MZT2B: variants seen among roughly 807,000 people sequenced by gnomAD.
MZT2B encodes mitotic-spindle organizing protein 2B.
A neutral mutation model predicts 12.1 loss-of-function variants in MZT2B; 11 were observed. The ratio of observed to expected loss-of-function variants is 0.91; its 90% CI spans 0.57 to 1.50. The LOEUF is 1.50. Ranked by LOEUF, MZT2B falls within the 40% of genes most tolerant of loss-of-function variation. The pLI, the probability that MZT2B is intolerant of heterozygous loss-of-function variation, is 0.00. For missense variants in MZT2B, 209 were observed against 227.7 expected (o/e 0.92, Z 0.53); for synonymous variants, 85 against 109.5 (o/e 0.78, Z 1.40).
intron 2 of MZT2B, among the ~76,000 whole-genome samples, chr2:130,189,948 G>A (rs1690197015): frequency 6.6e-6 from 1 of 152,192 alleles, no homozygotes; most frequent in Non-Finnish European, 1.5e-5. Flanking sequence ...AGGAAACAAT[G>A]AAAGAGCTTC....
At chr2:130,192,939 C>A (rs1340894263), downstream of MZT2B, among the ~76,000 whole-genome samples, 3 of 152,058 alleles carry the variant, frequency 2.0e-5, no homozygotes, top group Non-Finnish European at 2.9e-5. Flanking sequence ...ACTAAAAATA[C>A]AAAAATTAGC....
chr2:130,184,598 C>T (rs1460216018), intron 2 of MZT2B: 1 of 985,248 alleles, frequency 1.0e-6, no homozygotes, highest in Non-Finnish European at 1.2e-6. Context: ...CACCTCACTG[C>T]CACCCAGAGC....
downstream of MZT2B, among the ~76,000 whole-genome samples, chr2:130,193,606 C>CAA (rs34918027): frequency 8.4e-5 from 8 of 95,016 alleles, no homozygotes; most frequent in African/African-American, 1.2e-4. Flanking sequence ...AAGACTGTCT[C>CAA]AAAAAAAAAA....
rs764529534 is a variant in MZT2B at position 130,190,485 on chromosome 2, C to T, written c.336C>T (p.Ser112=). Residue 112 remains serine, a synonymous_variant, in exon 3 of 3, where the codon AGC becomes AGT. Transcript: ENST00000281871. Reference sequence around the variant, plus strand: ...TCTCCTCAGGGAGAAACAAAGGCAGCGCTGCCCTCGGGGGAGCATTGGCCC... The same window carrying T: ...TCTCCTCAGGGAGAAACAAAGGCAGTGCTGCCCTCGGGGGAGCATTGGCCC... ...VPETRGRNKG[S]AALGGALALA... is the part of the protein sequence containing the mutation. 16 of 1,613,378 alleles carry T rather than the reference C, an allele frequency of 9.9e-6. No individual in the cohort carries two copies. In the Admixed American group the frequency reaches 1.2e-4, roughly 12 times the overall value.
downstream of MZT2B, chr2:130,192,226 G>A: frequency 5.4e-6 from 8 of 1,495,250 alleles, no homozygotes; most frequent in Admixed American, 4.6e-5. Context: ...TAGGTGACAC[G>A]GAGAATGCTC....
In MZT2B at chr2:130,190,530, C is replaced by G. The variant is rs752274155; in HGVS notation, c.381C>G (p.Arg127=). Residue 127 remains arginine, a synonymous_variant, in exon 3 of 3, where the codon CGC becomes CGG. Transcript: ENST00000281871. ...TGGCCCTGGCGGAACGCAGCAGCCG[C>G]GAAGGATCCAGCCAGAGGATGCCAC... is the stretch of plus-strand genomic sequence containing the variant. The part of the protein sequence containing the change: ...GALALAERSS[R]EGSSQRMPRQ... 7.4e-6 allele frequency: 12 copies of G among 1,613,842 alleles called. No homozygotes were observed. Among genetic ancestry groups the G allele is most frequent in the African/African-American group, 5.3e-5 (4 of 75,050 alleles).
At chr2:130,188,735 C>T (rs1295273125) in intron 2 of MZT2B, among the ~76,000 whole-genome samples, 3 of 152,094 alleles carry the variant, frequency 2.0e-5, no homozygotes, top group Admixed American at 2.0e-4. Context: ...GCCGTCCTAT[C>T]CCTGCAGGGT....
chr2:130,186,631 G>A, intron 2 of MZT2B, among the ~76,000 whole-genome samples: 1 of 152,112 alleles, frequency 6.6e-6, no homozygotes, highest in East Asian at 1.9e-4. Flanking sequence ...CAAATGACCG[G>A]TACAAAAGGG....
At chr2:130,186,070 A>G (rs1293333428) in intron 2 of MZT2B, among the ~76,000 whole-genome samples, 1 of 152,028 alleles carries the variant, frequency 6.6e-6, no homozygotes, top group East Asian at 1.9e-4. Flanking sequence ...TGAGGCCCAC[A>G]TGTTACAGCA....
the MZT2B span, among the ~76,000 whole-genome samples, chr2:130,202,821 G>A: frequency 3.3e-5 from 5 of 152,108 alleles, no homozygotes; most frequent in Non-Finnish European, 5.9e-5. Context: ...GACACGCTGC[G>A]CCTGACACCA....
chr2:130,183,610 G>A (rs1399625476), intron 2 of MZT2B: 7 of 1,070,456 alleles, frequency 6.5e-6, no homozygotes, highest in Non-Finnish European at 9.8e-6. Flanking sequence ...CTGGAAGCAC[G>A]AGGAGACCCG....
At chr2:130,182,066 G>A (rs1689702494), upstream of MZT2B, 3 of 1,347,922 alleles carry the variant, frequency 2.2e-6, no homozygotes, top group Admixed American at 6.3e-5. Context: ...GGTCCGCCAT[G>A]CCACTCCCGG....
downstream of MZT2B, chr2:130,193,820 A>G (rs1406992398): frequency 5.6e-6 from 9 of 1,613,134 alleles, no homozygotes; most frequent in Non-Finnish European, 7.6e-6. Flanking sequence ...CACAAACTGG[A>G]TAGTGCGCTT....
chr2:130,186,034 C>T (rs1690047483), intron 2 of MZT2B, among the ~76,000 whole-genome samples: 2 of 152,042 alleles, frequency 1.3e-5, no homozygotes, highest in African/African-American at 4.8e-5. Flanking sequence ...GAAGCAGAGG[C>T]CACAGATGGA....
rs1043073 is a variant in MZT2B at position 130,190,529 on chromosome 2, G to A, written c.380G>A (p.Arg127His). Residue 127 changes from arginine (R) to histidine (H), a missense_variant, in exon 3 of 3, where the codon CGC becomes CAC. Arg to His is a conservative substitution (Grantham distance 29). Coordinates refer to ENST00000281871, the MANE Select transcript of MZT2B (RefSeq NM_025029.5). ...GALALAERSS[R>H]EGSSQRMPRQ... is the part of the protein sequence containing the mutation. ...TTGGCCCTGGCGGAACGCAGCAGCCGCGAAGGATCCAGCCAGAGGATGCCA... is the reference window on the plus strand; with the variant it reads ...TTGGCCCTGGCGGAACGCAGCAGCCACGAAGGATCCAGCCAGAGGATGCCA... The A allele has an allele frequency of 1.7e-5, 28 of 1,613,862 alleles. No individual in the cohort carries two copies. Among genetic ancestry groups the A allele is most frequent in the Admixed American group, 1.0e-4 (6 of 60,030 alleles).
intron 2 of MZT2B, among the ~76,000 whole-genome samples, chr2:130,188,491 G>C (rs750873189): frequency 2.0e-5 from 3 of 152,198 alleles, no homozygotes; most frequent in Non-Finnish European, 4.4e-5. Flanking sequence ...TGTCTGCTTT[G>C]TGCCTTTTTC....
the MZT2B span, among the ~76,000 whole-genome samples, chr2:130,202,129 A>G: frequency 6.6e-6 from 1 of 152,202 alleles, no homozygotes; most frequent in Non-Finnish European, 1.5e-5. Flanking sequence ...TTATGATTCC[A>G]TAATTGACTT....
chr2:130,191,364 C>CTTT (rs1690253284), downstream of MZT2B, among the ~76,000 whole-genome samples: 1 of 148,958 alleles, frequency 6.7e-6, no homozygotes, highest in Non-Finnish European at 1.5e-5. Flanking sequence ...CTTTCCCCCT[C>CTTT]TAAAATGTCC....
intron 2 of MZT2B, chr2:130,184,066 C>G: frequency 1.3e-6 from 2 of 1,549,364 alleles, no homozygotes; most frequent in Non-Finnish European, 1.7e-6. Flanking sequence ...GCTCCAAGGG[C>G]AGGACCATGC....
Sources: allele counts gnomAD v4.1 joint callset (sites outside exome capture counted in the v4.1 genomes callset), GRCh38; gene constraint gnomAD v4.1.1; transcripts MANE v1.5; gene names NCBI Gene and HGNC (gene_info 2026-07-23, HGNC 2026-07-21).